LRP1B: variants seen among roughly 807,000 people sequenced by gnomAD.
LRP1B encodes the protein LDL receptor related protein 1B, also known as low-density lipoprotein receptor-related protein 1B.
A neutral mutation model predicts 556.6 loss-of-function variants in LRP1B; 217 were observed. The observed-to-expected ratio is 0.39, with a 90% CI of 0.35 to 0.44. The LOEUF (loss-of-function observed/expected upper bound fraction) is 0.44, where lower values mean the gene tolerates loss of function less well. Among genes scored for constraint, LRP1B ranks in the 20% least tolerant of loss-of-function variants. The pLI is 1.00. For missense variants in LRP1B, 5,053 were observed against 5,620.8 expected, an observed-to-expected ratio of 0.90 and a Z score of 3.23; for synonymous variants, 2,047 against 1,865.8, an observed-to-expected ratio of 1.10 and a Z score of -2.50.
intron 3 of LRP1B, among the ~76,000 whole-genome samples, chr2:141,477,979 G>T (rs1251640225): frequency 6.6e-6 from 1 of 150,386 alleles, no homozygotes; most frequent in African/African-American, 2.4e-5. Context: ...AAAAAAAGTT[G>T]TCACATGTGA....
At position 141,943,722 on chromosome 2, in the gene LRP1B, C is replaced by T. The variant is rs148559667; in HGVS notation, c.83-133321G>A. ...TATAAGCACAGGTGCAATTTTGCCACAACTGAAGTCTTAATACATGACTTG... is the reference window on the plus strand; with the variant it reads ...TATAAGCACAGGTGCAATTTTGCCATAACTGAAGTCTTAATACATGACTTG... On this transcript the variant is annotated intron_variant, in intron 1 of 90. Coordinates refer to ENST00000389484, the MANE Select transcript of LRP1B (RefSeq NM_018557.3). 1.3e-3 allele frequency among the ~76,000 whole-genome samples: 205 copies of T among 151,944 alleles called. 3 individuals are homozygous for T. Among genetic ancestry groups the T allele is most frequent in the African/African-American group, 4.8e-3 (198 of 41,398 alleles).
chr2:140,982,322 T>C, intron 17 of LRP1B, 46 bp from the exon 18 acceptor site: 1 of 1,186,938 alleles, frequency 8.4e-7, no homozygotes, highest in Non-Finnish European at 1.3e-6. Context: ...AGAGGCATTT[T>C]GAACATCAAG....
intron 20 of LRP1B, among the ~76,000 whole-genome samples, chr2:140,926,902 C>T (rs1171614461): frequency 2.0e-5 from 3 of 152,060 alleles, no homozygotes; most frequent in Non-Finnish European, 4.4e-5. Context: ...GTGTAACTTG[C>T]ATTGATATGG....
intron 59 of LRP1B, among the ~76,000 whole-genome samples, chr2:140,475,857 G>C (rs1687953225): frequency 6.6e-6 from 1 of 151,798 alleles, no homozygotes; most frequent in South Asian, 2.1e-4. Context: ...GAACTGTATT[G>C]CTCCTTGGTC....
chr2:141,834,206 A>T (rs927606877), intron 1 of LRP1B, among the ~76,000 whole-genome samples: 7 of 151,916 alleles, frequency 4.6e-5, no homozygotes, highest in African/African-American at 7.2e-5. Context: ...TGAATATTTT[A>T]AAATGGGTTT....
At chr2:141,210,249 A>G (rs1682482922) in intron 6 of LRP1B, among the ~76,000 whole-genome samples, 1 of 113,010 alleles carries the variant, frequency 8.8e-6, no homozygotes, top group Admixed American at 8.8e-5. Context: ...AGGAAATATA[A>G]GAAAAAAAAA....
At chr2:141,219,085 C>T (rs1682932604) in intron 6 of LRP1B, among the ~76,000 whole-genome samples, 1 of 152,202 alleles carries the variant, frequency 6.6e-6, no homozygotes, top group Admixed American at 6.5e-5. Flanking sequence ...TCCTGTGGAT[C>T]AGGAGATCTC....
chr2:141,851,193 A>T (rs2105775020), intron 1 of LRP1B, among the ~76,000 whole-genome samples: 2 of 151,972 alleles, frequency 1.3e-5, no homozygotes, highest in South Asian at 4.1e-4. Flanking sequence ...GAAAGACATA[A>T]AAATGTGAAT....
rs115857600 is a variant in LRP1B at position 141,472,349 on chromosome 2, C to T, written c.343+8047G>A. Among the ~76,000 whole-genome samples the T allele has an allele frequency of 9.7e-3, 1,479 of 152,156 alleles. 14 individuals are homozygous for T. The highest frequency in any genetic ancestry group is 0.029 in the African/African-American group (1,208 of 41,494). ...TCACCTGAGGTCAGGAGTTCGAGAC[C>T]AGCCTGACAGTGAAATCCCGTCTGT... On this transcript the variant is annotated intron_variant, in intron 3 of 90. Coordinates refer to ENST00000389484, the MANE Select transcript of LRP1B (RefSeq NM_018557.3).
At chr2:140,860,376 G>A (rs1692753593) in intron 27 of LRP1B, among the ~76,000 whole-genome samples, 3 of 152,184 alleles carry the variant, frequency 2.0e-5, no homozygotes, top group Admixed American at 2.0e-4. Context: ...TTTTTTAAAA[G>A]GAAGTCATAT....
At chr2:141,051,630 C>A (rs1235459623) in intron 10 of LRP1B, among the ~76,000 whole-genome samples, 1 of 151,962 alleles carries the variant, frequency 6.6e-6, no homozygotes, top group African/African-American at 2.4e-5. Flanking sequence ...CATAAATGTG[C>A]CCCAAACCCA....
chr2:141,713,893 C>T (rs900050284), intron 2 of LRP1B, among the ~76,000 whole-genome samples: 23 of 152,106 alleles, frequency 1.5e-4, no homozygotes, highest in African/African-American at 5.6e-4. Context: ...GTCTTTTTCC[C>T]ATCTTAGCAT....
intron 35 of LRP1B, among the ~76,000 whole-genome samples, chr2:140,735,434 G>A (rs1687914954): frequency 6.6e-6 from 1 of 152,242 alleles, no homozygotes; most frequent in East Asian, 1.9e-4. Flanking sequence ...TAACTCCCAT[G>A]GTAGAAAAAT....
At chr2:141,844,901 A>G (rs1323119738) in intron 1 of LRP1B, among the ~76,000 whole-genome samples, 1 of 151,934 alleles carries the variant, frequency 6.6e-6, no homozygotes, top group African/African-American at 2.4e-5. Flanking sequence ...AGACTTCTAT[A>G]TTCTTATTCC....
chr2:142,006,812 C>T (rs1240061643), intron 1 of LRP1B, among the ~76,000 whole-genome samples: 1 of 151,822 alleles, frequency 6.6e-6, no homozygotes, highest in African/African-American at 2.4e-5. Flanking sequence ...TCCCACAGTG[C>T]TGATGTTTTT....
chr2:141,802,950 T>C (rs1161232260), intron 2 of LRP1B, among the ~76,000 whole-genome samples: 3 of 152,084 alleles, frequency 2.0e-5, no homozygotes, highest in Non-Finnish European at 4.4e-5. Flanking sequence ...ACATCGTCTT[T>C]TAAGCCAAGG....
intron 35 of LRP1B, among the ~76,000 whole-genome samples, chr2:140,726,250 G>A (rs768697108): frequency 3.3e-5 from 5 of 152,082 alleles, no homozygotes; most frequent in Non-Finnish European, 1.5e-5. Flanking sequence ...GGTTGACTTG[G>A]TCTTCTATGG....
intron 43 of LRP1B, among the ~76,000 whole-genome samples, chr2:140,578,759 TAAA>T: frequency 6.6e-6 from 1 of 151,994 alleles, no homozygotes; most frequent in South Asian, 2.1e-4. Flanking sequence ...ATAAAATAAA[TAAA>T]AAAAATCAAT....
In LRP1B at chr2:140,409,403, A is replaced by T. The variant is rs150955242; in HGVS notation, c.10415-23394T>A. Among the ~76,000 whole-genome samples, 9 of 152,170 alleles carry T rather than the reference A, an allele frequency of 5.9e-5. No individual in the cohort carries two copies. The East Asian group carries it at 1.5e-3, about 26-fold the overall frequency. On this transcript the variant is annotated intron_variant, in intron 66 of 90. Transcript: ENST00000389484. ...GACAAGATATATTGACTGGAAGTAA[A>T]TAATTTTTTTGACTAGATTTATTGA... is the stretch of plus-strand genomic sequence containing the variant.
Sources: gnomAD v4.1 joint callset for allele counts (sites outside exome capture counted in the v4.1 genomes callset) on GRCh38, gnomAD v4.1.1 for gene constraint, MANE v1.5 for transcripts, NCBI Gene and HGNC (gene_info 2026-07-23, HGNC 2026-07-21) for gene names.